Variants in ASCC3 observed in about 807,000 individuals in gnomAD.
ASCC3 encodes ASC-1 complex subunit P200.
In ASCC3, 158 loss-of-function variants were observed where a neutral mutation model predicts 256.3. The ratio of observed to expected loss-of-function variants is 0.62; its 90% CI spans 0.54 to 0.70. ASCC3 has a LOEUF of 0.70. ASCC3 is among the 30% of genes least tolerant of loss of function. The pLI is 0.00. For synonymous variants in ASCC3, 948 were observed against 883.4 expected (o/e 1.07, Z -1.30); for missense variants, 2,259 against 2,626.0 (o/e 0.86, Z 3.05).
At chr6:100,514,017 T>C (rs1306125224) in intron 39 of ASCC3, among the ~76,000 whole-genome samples, 1 of 152,104 alleles carries the variant, frequency 6.6e-6, no homozygotes, top group Non-Finnish European at 1.5e-5. Flanking sequence ...ATAGATTTCC[T>C]TATAGGCTTT....
At chr6:100,554,749 G>A (rs769672015) in intron 36 of ASCC3, among the ~76,000 whole-genome samples, 4 of 151,976 alleles carry the variant, frequency 2.6e-5, no homozygotes, top group South Asian at 2.1e-4. Context: ...TGGGTATTCT[G>A]TATTTTATAA....
intron 8 of ASCC3, among the ~76,000 whole-genome samples, chr6:100,779,499 A>T (rs1413284289): frequency 6.6e-6 from 1 of 152,202 alleles, no homozygotes; most frequent in Non-Finnish European, 1.5e-5. Flanking sequence ...GTTATCATGG[A>T]GTCCCCTTTT....
intron 4 of ASCC3, among the ~76,000 whole-genome samples, chr6:100,836,118 T>C (rs1230613606): frequency 2.0e-5 from 3 of 152,136 alleles, no homozygotes; most frequent in Non-Finnish European, 4.4e-5. Context: ...TCCTGGAACT[T>C]TACTAAATTT....
chr6:100,594,771 T>C (rs13220112), intron 34 of ASCC3, among the ~76,000 whole-genome samples: 2,571 of 152,184 alleles, frequency 0.017, 34 homozygotes, highest in Middle Eastern at 0.082. Flanking sequence ...AGCCAAGATA[T>C]GGAAACAATA....
chr6:100,598,460 A>G (rs1441497237), intron 34 of ASCC3, among the ~76,000 whole-genome samples: 1 of 143,808 alleles, frequency 7.0e-6, no homozygotes, highest in East Asian at 2.1e-4. Flanking sequence ...GAGGCTCACT[A>G]TAATTTCTGT....
chr6:100,598,083 G>C (rs2114789154), intron 34 of ASCC3, among the ~76,000 whole-genome samples: 1 of 152,092 alleles, frequency 6.6e-6, no homozygotes, highest in African/African-American at 2.4e-5. Flanking sequence ...TTGGCTAGCT[G>C]TAAGGGCTGA....
At chr6:100,872,286 A>G (rs1244389096) in intron 1 of ASCC3, among the ~76,000 whole-genome samples, 1 of 152,298 alleles carries the variant, frequency 6.6e-6, no homozygotes, top group East Asian at 1.9e-4. Flanking sequence ...TTTTTTAAAA[A>G]GTAGAAAGCA....
At chr6:100,701,366 CTT>C (rs922767523) in intron 13 of ASCC3, among the ~76,000 whole-genome samples, 6 of 152,160 alleles carry the variant, frequency 3.9e-5, no homozygotes, top group African/African-American at 1.4e-4. Flanking sequence ...AGCTCTCTCT[CTT>C]TGCCTGCCAC....
At chr6:100,686,792 T>A (rs978563049) in intron 13 of ASCC3, among the ~76,000 whole-genome samples, 1 of 152,162 alleles carries the variant, frequency 6.6e-6, no homozygotes, top group African/African-American at 2.4e-5. Flanking sequence ...TATATAAGAC[T>A]ATTTATTGAA....
intron 13 of ASCC3, among the ~76,000 whole-genome samples, chr6:100,695,153 G>C (rs887790634): frequency 6.6e-6 from 1 of 151,962 alleles, no homozygotes; most frequent in Non-Finnish European, 1.5e-5. Flanking sequence ...ACTCAAATTG[G>C]GAGTCATTTT....
intron 4 of ASCC3, among the ~76,000 whole-genome samples, chr6:100,838,751 T>C (rs545616895): frequency 2.0e-5 from 3 of 152,196 alleles, no homozygotes; most frequent in Admixed American, 6.5e-5. Context: ...TACATTTTCA[T>C]GTATATGGCA....
intron 8 of ASCC3, among the ~76,000 whole-genome samples, chr6:100,796,921 C>A (rs764824724): frequency 1.3e-5 from 2 of 151,978 alleles, no homozygotes; most frequent in Non-Finnish European, 2.9e-5. Flanking sequence ...AATAATGATG[C>A]CCCCCAAAAA....
At chr6:100,815,437 C>CA (rs564574489) in intron 4 of ASCC3, among the ~76,000 whole-genome samples, 61 of 151,628 alleles carry the variant, frequency 4.0e-4, no homozygotes, top group Non-Finnish European at 5.7e-4. Context: ...CACATAGAAC[C>CA]AAAAAAGAGC....
At chr6:100,586,685 T>A (rs1269869370) in intron 36 of ASCC3, among the ~76,000 whole-genome samples, 2 of 152,184 alleles carry the variant, frequency 1.3e-5, no homozygotes, top group Admixed American at 6.5e-5. Flanking sequence ...TCACTCACGC[T>A]GGGAGCTGTA....
intron 8 of ASCC3, among the ~76,000 whole-genome samples, chr6:100,798,491 T>C (rs1769743909): frequency 6.6e-6 from 1 of 151,912 alleles, no homozygotes; most frequent in Non-Finnish European, 1.5e-5. Flanking sequence ...ACATGAAACA[T>C]AGAAATATAT....
intron 10 of ASCC3, among the ~76,000 whole-genome samples, chr6:100,763,781 A>G (rs955177862): frequency 6.6e-6 from 1 of 152,136 alleles, no homozygotes; most frequent in African/African-American, 2.4e-5. Flanking sequence ...TACTAAATAA[A>G]TGCAAATGTC....
chr6:100,523,616 T>C (rs1774414189), intron 37 of ASCC3, among the ~76,000 whole-genome samples: 1 of 152,144 alleles, frequency 6.6e-6, no homozygotes, highest in Non-Finnish European at 1.5e-5. Flanking sequence ...CCTTATGACT[T>C]GGATACACCA....
intron 21 of ASCC3, 144 bp from the exon 22 acceptor site, chr6:100,646,913 G>A (rs1562195622): frequency 9.8e-6 from 9 of 914,320 alleles, no homozygotes; most frequent in Middle Eastern, 6.3e-4. Flanking sequence ...TCTTGACCTG[G>A]CATGTTTGAA....
At chr6:100,511,765 A>G (rs2114601135) in intron 40 of ASCC3, among the ~76,000 whole-genome samples, 1 of 152,290 alleles carries the variant, frequency 6.6e-6, no homozygotes, top group South Asian at 2.1e-4. Flanking sequence ...CAATCAGTTA[A>G]TACTTACACT....
Sources: gnomAD v4.1 joint callset for allele counts (sites outside exome capture counted in the v4.1 genomes callset) on GRCh38, gnomAD v4.1.1 for gene constraint, MANE v1.5 for transcripts, NCBI Gene and HGNC (gene_info 2026-07-23, HGNC 2026-07-21) for gene names.